TMEM164: variants seen among roughly 807,000 people sequenced by gnomAD.
The protein encoded by TMEM164 is RP13-360B22.2.
TMEM164 carries 4 observed loss-of-function variants against 18.8 expected under a neutral mutation model. The ratio of observed to expected loss-of-function variants is 0.21; its 90% CI spans 0.10 to 0.49. The LOEUF (loss-of-function observed/expected upper bound fraction) is 0.49, where lower values mean the gene tolerates loss of function less well. TMEM164 is among the 20% of genes least tolerant of loss of function. The pLI is 0.98. For missense variants in TMEM164, 108 were observed against 239.9 expected (o/e 0.45, Z 3.63); for synonymous variants, 86 against 101.7 (o/e 0.85, Z 0.93).
At chrX:110,009,742 C>A (rs1005779697) in intron 2 of TMEM164, among the ~76,000 whole-genome samples, 4 of 111,642 alleles carry the variant, frequency 3.6e-5, no homozygotes, top group African/African-American at 1.3e-4. Flanking sequence ...CGCCTGTAAT[C>A]CCAGACTTTG....
chrX:110,094,539 T>C (rs1397744311), intron 3 of TMEM164, among the ~76,000 whole-genome samples: 1 of 111,925 alleles, frequency 8.9e-6, no homozygotes, highest in Non-Finnish European at 1.9e-5. Flanking sequence ...TGGTAGATCT[T>C]CCTCCATCCC....
chrX:110,181,592 T>C (rs780691693), downstream of TMEM164, among the ~76,000 whole-genome samples: 24 of 113,391 alleles, frequency 2.1e-4, no homozygotes, highest in African/African-American at 7.7e-4. Flanking sequence ...CCCTAAATAA[T>C]AGTTGTTGTC....
chrX:110,134,401 C>A (rs894701192), intron 4 of TMEM164, among the ~76,000 whole-genome samples: 1 of 109,741 alleles, frequency 9.1e-6, no homozygotes, highest in African/African-American at 3.3e-5. Context: ...AATACACACA[C>A]ACACACAAAA....
At chrX:110,093,222 C>T (rs1244063217) in intron 3 of TMEM164, among the ~76,000 whole-genome samples, 1 of 111,906 alleles carries the variant, frequency 8.9e-6, no homozygotes, top group African/African-American at 3.2e-5. Flanking sequence ...ATGCTGGCCT[C>T]ATAAAATAAG....
chrX:110,141,600 T>C (rs891598770), intron 4 of TMEM164, among the ~76,000 whole-genome samples: 20 of 111,931 alleles, frequency 1.8e-4, no homozygotes, highest in Non-Finnish European at 3.6e-4. Flanking sequence ...AATGCCCCCA[T>C]GATTCAGTTA....
chrX:110,011,205 A>C (rs1239354584), intron 2 of TMEM164, among the ~76,000 whole-genome samples: 1 of 112,571 alleles, frequency 8.9e-6, no homozygotes, highest in Non-Finnish European at 1.9e-5. Context: ...AAAAAGAAGA[A>C]GTAGCCTTTG....
intron 5 of TMEM164, among the ~76,000 whole-genome samples, chrX:110,147,356 C>T (rs776892064): frequency 5.4e-5 from 6 of 111,988 alleles, no homozygotes; most frequent in Admixed American, 1.9e-4. Context: ...GGTGATGCTA[C>T]GCTATATGTA....
intron 3 of TMEM164, among the ~76,000 whole-genome samples, chrX:110,102,537 C>T (rs769511068): frequency 1.8e-5 from 2 of 111,768 alleles, no homozygotes; most frequent in African/African-American, 3.3e-5. Flanking sequence ...GAATTCATCT[C>T]GTGAAGGATC....
chrX:110,086,800 T>G (rs1278863964), intron 3 of TMEM164, among the ~76,000 whole-genome samples: 2 of 109,783 alleles, frequency 1.8e-5, no homozygotes, highest in Non-Finnish European at 3.8e-5. Flanking sequence ...GAGGAAGAAA[T>G]TACATATGTA....
intron 5 of TMEM164, among the ~76,000 whole-genome samples, chrX:110,148,094 G>A (rs1348944832): frequency 9.0e-6 from 1 of 110,582 alleles, no homozygotes; most frequent in Admixed American, 9.7e-5. Flanking sequence ...ATTTCATGAT[G>A]TCTATTATAA....
At chrX:110,076,015 T>A (rs1407127864) in intron 3 of TMEM164, among the ~76,000 whole-genome samples, 1 of 108,093 alleles carries the variant, frequency 9.3e-6, no homozygotes, top group African/African-American at 3.3e-5. Context: ...GATTTTTTTT[T>A]TTTTTTTTTT....
intron 3 of TMEM164, 99 bp from the exon 4 acceptor site, chrX:110,108,981 G>T (rs897870294): frequency 3.7e-5 from 29 of 781,037 alleles, no homozygotes; most frequent in Non-Finnish European, 5.6e-5. Context: ...TGTATACATA[G>T]TTCTCTTCCA....
downstream of TMEM164, among the ~76,000 whole-genome samples, chrX:110,180,450 T>C (rs1360583125): frequency 1.8e-5 from 2 of 111,582 alleles, no homozygotes; most frequent in Non-Finnish European, 3.8e-5. Flanking sequence ...GCAAGGCCAA[T>C]GTAGTCTAAA....
chrX:110,033,057 T>G (rs981265090), intron 2 of TMEM164, among the ~76,000 whole-genome samples: 2 of 112,199 alleles, frequency 1.8e-5, no homozygotes, highest in African/African-American at 6.5e-5. Context: ...ATGAGAACAA[T>G]TGTTGGCACG....
At chrX:110,045,506 T>G (rs951091420) in intron 2 of TMEM164, among the ~76,000 whole-genome samples, 1 of 111,855 alleles carries the variant, frequency 8.9e-6, no homozygotes, top group Admixed American at 9.4e-5. Context: ...CAAACCACTC[T>G]GTGCCAGCTG....
chrX:110,028,371 A>G (rs760071156), intron 2 of TMEM164, among the ~76,000 whole-genome samples: 1 of 112,197 alleles, frequency 8.9e-6, no homozygotes, highest in East Asian at 2.8e-4. Flanking sequence ...TATTTTAAAA[A>G]TCTGTTTTCT....
rs915086500 is a variant in TMEM164 at position 110,037,097 on chromosome X, A to G, written c.391-30250A>G. 2.7e-5 allele frequency among the ~76,000 whole-genome samples: 3 copies of G among 110,217 alleles called. No homozygotes were observed. The South Asian group carries it at 1.2e-3, about 43-fold the overall frequency. ...CTGGAATTTTGGAGAGGCAGTCTAG[A>G]CCCTGGTAGAGCCGTAGAGAGAGAG... On this transcript the variant is annotated intron_variant, in intron 2 of 6. Transcript: ENST00000372068.
intron 2 of TMEM164, among the ~76,000 whole-genome samples, chrX:110,029,813 C>A (rs1934367771): frequency 9.0e-6 from 1 of 111,211 alleles, no homozygotes; most frequent in African/African-American, 3.3e-5. Context: ...AATAAGCACT[C>A]TGAGCTAGTC....
chrX:110,174,644 G>C lies in TMEM164; in HGVS notation c.*1193G>C, dbSNP rs2067270235. 1 of 110,388 alleles carries C rather than the reference G, an allele frequency of 9.1e-6. No homozygotes were observed. The highest frequency in any genetic ancestry group is 9.6e-5 in the Admixed American group (1 of 10,444). The allele number at this position is 110,388 out of a possible 1,213,427, so 9.1% of individuals were successfully genotyped here. On this transcript the variant is annotated 3_prime_UTR_variant, in exon 7 of 7. Transcript: ENST00000372068. ...TGTCTACCCCCAAATCCCATGTCTA[G>C]GTTGAAAGGGGGCTGCCAAAGAATT...
Sources: gnomAD v4.1 joint callset for allele counts (sites outside exome capture counted in the v4.1 genomes callset) on GRCh38, gnomAD v4.1.1 for gene constraint, MANE v1.5 for transcripts, NCBI Gene and HGNC (gene_info 2026-07-23, HGNC 2026-07-21) for gene names.